Variants in KALRN observed in about 807,000 individuals in gnomAD.
KALRN encodes the protein kalirin RhoGEF kinase, also known as kalirin.
Under a neutral mutation model 353.7 loss-of-function variants are expected in KALRN, and 70 were observed. The ratio of observed to expected loss-of-function variants is 0.20; its 90% CI spans 0.16 to 0.24. KALRN has a LOEUF of 0.24. Ranked by LOEUF, KALRN falls within the 10% of genes least tolerant of loss-of-function variation. KALRN has a pLI of 1.00. For missense variants in KALRN, 2,791 were observed against 3,756.7 expected (o/e 0.74, Z 6.72); for synonymous variants, 1,391 against 1,434.8 (o/e 0.97, Z 0.69).
chr3:124,233,063 G>GC (rs1435496138), intron 2 of KALRN, among the ~76,000 whole-genome samples: 2 of 152,086 alleles, frequency 1.3e-5, no homozygotes, highest in Non-Finnish European at 2.9e-5. Context: ...TGTCTCCAAG[G>GC]CCAGCCCTGG....
chr3:124,347,817 T>G (rs371061657), intron 10 of KALRN, among the ~76,000 whole-genome samples: 2 of 152,192 alleles, frequency 1.3e-5, no homozygotes, highest in Admixed American at 6.5e-5. Context: ...CCAGAGAACC[T>G]GCCTTCGTGT....
intron 33 of KALRN, among the ~76,000 whole-genome samples, chr3:124,535,833 G>A (rs2068460834): frequency 6.6e-6 from 1 of 152,118 alleles, no homozygotes; most frequent in African/African-American, 2.4e-5. Flanking sequence ...TCCAGGACTG[G>A]TAAAGAAGAT....
Position 124,334,852 on chromosome 3 carries a change from T to C in KALRN, c.1647+357T>C, listed in dbSNP as rs554345475. 3.3e-4 allele frequency among the ~76,000 whole-genome samples: 50 copies of C among 152,292 alleles called. No homozygotes were observed. Among genetic ancestry groups the C allele is most frequent in the Middle Eastern group, 6.8e-3 (2 of 294 alleles). ...CTCTGCCGCCTGGGCTGGAGTATAG[T>C]GGTGTGATCTTGGCTCACTGCAACC... On this transcript the variant is annotated intron_variant, in intron 9 of 59. Transcript: ENST00000682506. The surrounding 1 kb of genome is among the most constrained non-coding windows in gnomAD (Gnocchi z 4.2).
chr3:124,389,314 A>G (rs2088955818), intron 11 of KALRN, among the ~76,000 whole-genome samples: 1 of 152,098 alleles, frequency 6.6e-6, no homozygotes, highest in South Asian at 2.1e-4. Flanking sequence ...TTTAACCTAG[A>G]CTTCCTAGGA....
chr3:124,196,578 C>T (rs9822036), intron 1 of KALRN, among the ~76,000 whole-genome samples: 42,632 of 152,002 alleles, frequency 0.28, 6,587 homozygotes, highest in East Asian at 0.5. Context: ...AAAGTAGTTT[C>T]CTATTCTTCT....
chr3:124,329,902 A>G lies in KALRN; in HGVS notation c.1326A>G (p.Glu442=), dbSNP rs1480988280. Residue 442 remains glutamate, a synonymous_variant, in exon 8 of 60, where the codon GAA becomes GAG. Transcript: ENST00000682506. ...GVDAWCKMCS[E]GGLPSEMQDL... ...ATGCCTGGTGCAAGATGTGCAGTGA[A>G]GGTGGTCTGCCATCCGAGATGCAAG... 1 of 1,613,712 alleles carries G rather than the reference A, an allele frequency of 6.2e-7. No homozygotes were observed. The highest frequency in any genetic ancestry group is 8.5e-7 in the Non-Finnish European group (1 of 1,179,862).
chr3:124,621,211 G>A (rs566318552), intron 34 of KALRN, among the ~76,000 whole-genome samples: 2 of 152,338 alleles, frequency 1.3e-5, no homozygotes, highest in Admixed American at 6.5e-5. Flanking sequence ...AGGAGCAGCC[G>A]TATTGGGAAA....
intron 27 of KALRN, among the ~76,000 whole-genome samples, chr3:124,479,590 G>A: frequency 6.6e-6 from 1 of 151,950 alleles, no homozygotes; most frequent in Non-Finnish European, 1.5e-5. Flanking sequence ...GGAACCATTT[G>A]CTTTAGGCCC....
At chr3:124,565,558 C>T (rs1004614393) in intron 34 of KALRN, among the ~76,000 whole-genome samples, 1 of 152,224 alleles carries the variant, frequency 6.6e-6, no homozygotes, top group African/African-American at 2.4e-5. Context: ...TCCCACAAGT[C>T]CAGTTGAGAG....
At chr3:124,493,582 A>C (rs2063396969) in intron 32 of KALRN, among the ~76,000 whole-genome samples, 1 of 152,202 alleles carries the variant, frequency 6.6e-6, no homozygotes, top group Non-Finnish European at 1.5e-5. Context: ...TTGAAGAAAA[A>C]AAAATGGGGT....
chr3:124,373,863 A>G (rs180676055), intron 10 of KALRN, among the ~76,000 whole-genome samples: 101 of 152,236 alleles, frequency 6.6e-4, no homozygotes, highest in African/African-American at 2.4e-3. Flanking sequence ...TTTTGCAGGG[A>G]CAGAATTCAA....
chr3:124,137,303 C>T (rs565884368), intron 1 of KALRN, among the ~76,000 whole-genome samples: 3 of 152,214 alleles, frequency 2.0e-5, no homozygotes, highest in South Asian at 4.1e-4. Context: ...GTGATTGTTG[C>T]AGGTGGCAAG....
intron 1 of KALRN, among the ~76,000 whole-genome samples, chr3:124,115,515 C>G (rs1366189602): frequency 6.6e-6 from 1 of 152,180 alleles, no homozygotes; most frequent in Admixed American, 6.5e-5. Context: ...CTCTATGCCT[C>G]CAGTTGGAAG....
intron 6 of KALRN, among the ~76,000 whole-genome samples, chr3:124,312,496 A>G (rs533188005): frequency 6.6e-6 from 1 of 152,182 alleles, no homozygotes; most frequent in African/African-American, 2.4e-5. Flanking sequence ...ATTGTATGGT[A>G]TGTTGAAAAA....
At chr3:124,303,315 C>G (rs901096977) in intron 6 of KALRN, among the ~76,000 whole-genome samples, 2 of 152,168 alleles carry the variant, frequency 1.3e-5, no homozygotes, top group African/African-American at 2.4e-5. Context: ...ATAACAACAA[C>G]CCACCTACTA....
At chr3:124,068,084 T>C (rs2042526226) in intron 1 of KALRN, among the ~76,000 whole-genome samples, 1 of 152,234 alleles carries the variant, frequency 6.6e-6, no homozygotes, top group Non-Finnish European at 1.5e-5. Flanking sequence ...CCATAGGCAG[T>C]GCCTCCTTTA....
intron 33 of KALRN, among the ~76,000 whole-genome samples, chr3:124,515,292 G>A (rs960787545): frequency 1.3e-5 from 2 of 152,132 alleles, no homozygotes; most frequent in Non-Finnish European, 2.9e-5. Flanking sequence ...ATGAATAGGG[G>A]GAGATAGGGG....
chr3:124,259,030 T>G (rs1334885547), intron 3 of KALRN, among the ~76,000 whole-genome samples: 1 of 152,208 alleles, frequency 6.6e-6, no homozygotes, highest in African/African-American at 2.4e-5. Flanking sequence ...TACAAATGAT[T>G]TATTAAGGGT....
At chr3:124,708,115 T>C (rs1418559335) in intron 57 of KALRN, among the ~76,000 whole-genome samples, 1 of 152,210 alleles carries the variant, frequency 6.6e-6, no homozygotes, top group East Asian at 1.9e-4. Flanking sequence ...AGTCTGAACC[T>C]AACCAAGTTG....
Sources: allele counts gnomAD v4.1 joint callset (sites outside exome capture counted in the v4.1 genomes callset), GRCh38; gene constraint gnomAD v4.1.1; non-coding constraint Gnocchi (gnomAD v3.1); transcripts MANE v1.5; gene names NCBI Gene and HGNC (gene_info 2026-07-23, HGNC 2026-07-21).